The following PKIA variants were observed in gnomAD, a reference collection of about 807,000 sequenced individuals.
PKIA encodes the protein cAMP-dependent protein kinase inhibitor alpha.
PKIA carries 4 observed loss-of-function variants against 7.6 expected under a neutral mutation model. The observed-to-expected ratio is 0.52, with a 90% CI of 0.26 to 1.20. The LOEUF (loss-of-function observed/expected upper bound fraction) is 1.20, where lower values mean the gene tolerates loss of function less well. Among genes scored for constraint, PKIA ranks in the 50% most tolerant of loss-of-function variants. The probability of loss-of-function intolerance (pLI) is 0.13; values close to 1 mark genes in which losing one functional copy is unlikely to be tolerated. For missense variants in PKIA, 73 were observed against 86.2 expected (o/e 0.85, Z 0.61); for synonymous variants, 21 against 30.7 (o/e 0.68, Z 1.04).
At chr8:78,550,281 G>C (rs1166553296) in intron 1 of PKIA, among the ~76,000 whole-genome samples, 2 of 152,072 alleles carry the variant, frequency 1.3e-5, no homozygotes, top group Non-Finnish European at 2.9e-5. Context: ...CCTATCCTTC[G>C]TGCAGTTTGG....
At chr8:78,565,334 G>A (rs1263386782) in intron 1 of PKIA, among the ~76,000 whole-genome samples, 1 of 151,648 alleles carries the variant, frequency 6.6e-6, no homozygotes, top group Non-Finnish European at 1.5e-5. Context: ...GAATCTGCAG[G>A]TTGCATCTGC....
intron 1 of PKIA, among the ~76,000 whole-genome samples, chr8:78,544,174 C>T (rs1027314162): frequency 2.0e-5 from 3 of 152,158 alleles, no homozygotes; most frequent in South Asian, 2.1e-4. Context: ...CCTTCTACCT[C>T]GTGGCAAACA....
intron 2 of PKIA, among the ~76,000 whole-genome samples, chr8:78,586,053 C>A (rs1050354071): frequency 6.6e-6 from 1 of 152,112 alleles, no homozygotes; most frequent in Non-Finnish European, 1.5e-5. Flanking sequence ...ATATCTGACT[C>A]TCCTATTTCA....
At position 78,601,826 on chromosome 8, in the gene PKIA, C is replaced by T; in HGVS notation, c.*5C>T. On this transcript the variant is annotated 3_prime_UTR_variant, in exon 4 of 4. Transcript: ENST00000396418. Reference sequence around the variant, plus strand: ...GCAGCAAAATCTGAAAGCTAACACCCCACTTTGACCCTCGACCACACCTGA... The same window carrying T: ...GCAGCAAAATCTGAAAGCTAACACCTCACTTTGACCCTCGACCACACCTGA... The T allele has an allele frequency of 1.2e-6, 2 of 1,602,838 alleles. No individual in the cohort carries two copies. Among genetic ancestry groups the T allele is most frequent in the Non-Finnish European group, 1.7e-6 (2 of 1,170,458 alleles).
intron 1 of PKIA, among the ~76,000 whole-genome samples, chr8:78,520,099 T>C (rs1258694666): frequency 1.3e-5 from 2 of 152,202 alleles, no homozygotes; most frequent in African/African-American, 2.4e-5. Flanking sequence ...TAGCTACATA[T>C]ATGTATTATA....
At chr8:78,522,039 A>G (rs1236672283) in intron 1 of PKIA, among the ~76,000 whole-genome samples, 2 of 151,948 alleles carry the variant, frequency 1.3e-5, no homozygotes, top group Non-Finnish European at 2.9e-5. Flanking sequence ...AAGTTCATCC[A>G]TATTTCAGCA....
intron 1 of PKIA, among the ~76,000 whole-genome samples, chr8:78,542,555 ATTG>A (rs1435533732): frequency 1.3e-5 from 2 of 152,152 alleles, no homozygotes; most frequent in Non-Finnish European, 2.9e-5. Context: ...AAATTAATAT[ATTG>A]TTAATACTAA....
intron 2 of PKIA, among the ~76,000 whole-genome samples, chr8:78,579,794 A>G (rs528462398): frequency 1.3e-5 from 2 of 152,220 alleles, no homozygotes; most frequent in Admixed American, 1.3e-4. Context: ...GTTGAGTTCC[A>G]GACAACCATT....
intron 1 of PKIA, among the ~76,000 whole-genome samples, chr8:78,538,484 C>T (rs1486308146): frequency 6.6e-6 from 1 of 151,964 alleles, no homozygotes; most frequent in African/African-American, 2.4e-5. Flanking sequence ...AGGAAAGAGG[C>T]ATTCAAGCTT....
chr8:78,516,702 A>G (rs1343299402), intron 1 of PKIA, among the ~76,000 whole-genome samples: 1 of 152,234 alleles, frequency 6.6e-6, no homozygotes, highest in East Asian at 1.9e-4. Flanking sequence ...TTTGAACGTG[A>G]TCTACCATTT....
chr8:78,566,071 G>A (rs1585904642), intron 1 of PKIA, among the ~76,000 whole-genome samples: 2 of 152,124 alleles, frequency 1.3e-5, no homozygotes, highest in East Asian at 3.9e-4. Flanking sequence ...GGAAAAAAAT[G>A]ATCAACTCAC....
chr8:78,523,532 T>C lies in PKIA; in HGVS notation c.-157+7064T>C, dbSNP rs115346450. Reference sequence around the variant, plus strand: ...CACAACCTGCTACATTCCTCACTTATATACTGCAGAATCTGACCAAATAAA... The same window carrying C: ...CACAACCTGCTACATTCCTCACTTACATACTGCAGAATCTGACCAAATAAA... On this transcript the variant is annotated intron_variant, in intron 1 of 3. Transcript: ENST00000396418. 3.5e-3 allele frequency among the ~76,000 whole-genome samples: 526 copies of C among 152,032 alleles called. 4 individuals are homozygous for C. Among genetic ancestry groups the C allele is most frequent in the African/African-American group, 0.012 (492 of 41,518 alleles).
rs186675186 is a variant in PKIA at position 78,566,860 on chromosome 8, C to A, written c.-156-5951C>A. 1.0e-3 allele frequency among the ~76,000 whole-genome samples: 158 copies of A among 152,212 alleles called. 1 individual carries two copies. The highest frequency in any genetic ancestry group is 1.9e-3 in the Non-Finnish European group (129 of 67,972). On this transcript the variant is annotated intron_variant, in intron 1 of 3. Transcript: ENST00000396418. ...TAAAGAAGATTAAACACCGAAAAGACATTTAGCATTTAAAGACAGTTTGCT... is the reference window on the plus strand; with the variant it reads ...TAAAGAAGATTAAACACCGAAAAGAAATTTAGCATTTAAAGACAGTTTGCT...
At chr8:78,533,712 T>A (rs551535718) in intron 1 of PKIA, among the ~76,000 whole-genome samples, 44 of 151,990 alleles carry the variant, frequency 2.9e-4, no homozygotes, top group African/African-American at 9.4e-4. Context: ...TTTAAAAAAA[T>A]TTGCCAGGTG....
chr8:78,568,659 G>T (rs1807475739), intron 1 of PKIA, among the ~76,000 whole-genome samples: 1 of 151,952 alleles, frequency 6.6e-6, no homozygotes, highest in Admixed American at 6.6e-5. Context: ...GCTCAGACAG[G>T]GCACCACAGG....
chr8:78,532,058 C>T (rs1026652081), intron 1 of PKIA, among the ~76,000 whole-genome samples: 2 of 151,972 alleles, frequency 1.3e-5, no homozygotes, highest in South Asian at 2.1e-4. Context: ...TTCAGGGGTA[C>T]ATGTGCAGGT....
At chr8:78,523,182 G>A (rs911046316) in intron 1 of PKIA, among the ~76,000 whole-genome samples, 1 of 151,838 alleles carries the variant, frequency 6.6e-6, no homozygotes, top group East Asian at 1.9e-4. Flanking sequence ...AAACTAAAGG[G>A]TTGCTAGAAC....
At chr8:78,543,638 G>T (rs1047575565) in intron 1 of PKIA, among the ~76,000 whole-genome samples, 3 of 152,180 alleles carry the variant, frequency 2.0e-5, no homozygotes, top group African/African-American at 7.2e-5. Flanking sequence ...GAGGCCTAGA[G>T]GCTGGTATGG....
In PKIA at chr8:78,601,877, C is replaced by A; in HGVS notation, c.*56C>A. On this transcript the variant is annotated 3_prime_UTR_variant, in exon 4 of 4. Coordinates refer to ENST00000396418, the MANE Select transcript of PKIA (RefSeq NM_006823.4). Reference sequence around the variant, plus strand: ...AAATGTCTCAAATCTCCAGGAGTATCTGGAATGCATTTGTTTCCATGAGTG... The same window carrying A: ...AAATGTCTCAAATCTCCAGGAGTATATGGAATGCATTTGTTTCCATGAGTG... 7.6e-7 allele frequency: 1 copy of A among 1,309,932 alleles called. No homozygotes were observed. The highest frequency in any genetic ancestry group is 1.1e-6 in the Non-Finnish European group (1 of 910,460). 81.1% of individuals were successfully genotyped at this position (1,309,932 alleles called of 1,614,324 possible).
Sources: allele counts gnomAD v4.1 joint callset (sites outside exome capture counted in the v4.1 genomes callset), GRCh38; gene constraint gnomAD v4.1.1; transcripts MANE v1.5; gene names NCBI Gene and HGNC (gene_info 2026-07-23, HGNC 2026-07-21).